The following GDAP1 variants were observed in gnomAD, a reference collection of about 807,000 sequenced individuals.
GDAP1 encodes the protein ganglioside-induced differentiation-associated protein 1.
In GDAP1, 34 loss-of-function variants were observed where a neutral mutation model predicts 40.1. That is an observed-to-expected ratio of 0.85 (90% CI 0.64 to 1.13). GDAP1 has a LOEUF of 1.13. Ranked by LOEUF, GDAP1 falls within the 50% of genes most tolerant of loss-of-function variation. The probability of loss-of-function intolerance (pLI) is 0.00; values close to 1 mark genes in which losing one functional copy is unlikely to be tolerated. For synonymous variants in GDAP1, 170 were observed against 157.4 expected (o/e 1.08, Z -0.60); for missense variants, 374 against 433.7 (o/e 0.86, Z 1.22).
At chr8:74,464,514 T>A in intron 2 of GDAP1, among the ~76,000 whole-genome samples, 1 of 152,328 alleles carries the variant, frequency 6.6e-6, no homozygotes, top group East Asian at 1.9e-4. Context: ...AAAAGCCCAA[T>A]GAAGCAAGTT....
At chr8:74,418,853 T>C (rs1376926158) in intron 2 of GDAP1, among the ~76,000 whole-genome samples, 1 of 120,430 alleles carries the variant, frequency 8.3e-6, no homozygotes, top group Non-Finnish European at 1.7e-5. Context: ...AACTATTCAA[T>C]TAAAAAAATA....
chr8:74,458,942 C>T (rs1310451957), intron 2 of GDAP1, among the ~76,000 whole-genome samples: 1 of 152,110 alleles, frequency 6.6e-6, no homozygotes, highest in Non-Finnish European at 1.5e-5. Context: ...AGACACCCTG[C>T]TGATATTTCA....
chr8:74,367,611 C>G (rs1188011347), downstream of GDAP1, among the ~76,000 whole-genome samples: 3 of 152,088 alleles, frequency 2.0e-5, no homozygotes, highest in African/African-American at 7.2e-5. Flanking sequence ...ATTGTTTATG[C>G]CAACTATTGG....
intron 2 of GDAP1, among the ~76,000 whole-genome samples, chr8:74,379,812 G>T (rs769744926): frequency 3.9e-5 from 6 of 152,168 alleles, no homozygotes; most frequent in African/African-American, 1.2e-4. Flanking sequence ...AGAATGACAC[G>T]TATCAGAGGA....
rs537636751 is a variant in GDAP1, at chr8:74,403,490, A to G, written c.165+52169A>G. On this transcript the variant is annotated intron_variant, in intron 2 of 2. Transcript: ENST00000523640. Reference sequence around the variant, plus strand: ...TACATAGGAGATGACTAGAATTGCAAATGAACCCAGATGGTGGAATTTTCT... The same window carrying G: ...TACATAGGAGATGACTAGAATTGCAGATGAACCCAGATGGTGGAATTTTCT... Among the ~76,000 whole-genome samples, 6 of 150,412 alleles carry G rather than the reference A, an allele frequency of 4.0e-5. 1 individual carries two copies. The highest frequency in any genetic ancestry group is 1.3e-4 in the African/African-American group (5 of 39,694).
chr8:74,387,828 G>A (rs1195571467), intron 2 of GDAP1, among the ~76,000 whole-genome samples: 1 of 152,010 alleles, frequency 6.6e-6, no homozygotes, highest in East Asian at 1.9e-4. Flanking sequence ...TTTTTGTTTG[G>A]TAGGCTATTA....
intron 2 of GDAP1, among the ~76,000 whole-genome samples, chr8:74,482,856 C>A (rs1416482351): frequency 2.6e-5 from 4 of 152,180 alleles, no homozygotes; most frequent in Admixed American, 2.6e-4. Context: ...CTCTGTGACA[C>A]TAAGTACCTG....
chr8:74,380,197 C>A (rs1206009352), intron 2 of GDAP1, among the ~76,000 whole-genome samples: 4 of 152,076 alleles, frequency 2.6e-5, no homozygotes, highest in Non-Finnish European at 5.9e-5. Flanking sequence ...AAGTTTTAGT[C>A]ATCAGAAACA....
intron 2 of GDAP1, among the ~76,000 whole-genome samples, chr8:74,395,723 G>C (rs1407806374): frequency 1.3e-5 from 2 of 152,094 alleles, no homozygotes; most frequent in African/African-American, 4.8e-5. Context: ...TCTAAATAAA[G>C]CCAACTATTA....
At chr8:74,485,892 A>T (rs985235072) in intron 2 of GDAP1, among the ~76,000 whole-genome samples, 11 of 152,144 alleles carry the variant, frequency 7.2e-5, no homozygotes, top group Admixed American at 5.2e-4. Flanking sequence ...GAATGAGGAA[A>T]CATGGCAACA....
intron 2 of GDAP1, among the ~76,000 whole-genome samples, chr8:74,462,375 G>T (rs1586841984): frequency 6.6e-6 from 1 of 152,166 alleles, no homozygotes; most frequent in African/African-American, 2.4e-5. Flanking sequence ...GGGCCTGTGA[G>T]CATTTCCTTC....
intron 3 of GDAP1, 106 bp from the exon 4 acceptor site, chr8:74,361,778 G>A: frequency 1.3e-6 from 1 of 744,414 alleles, no homozygotes; most frequent in African/African-American, 1.7e-5. Flanking sequence ...AGCAGGGCAT[G>A]AGCCCCAGAG....
intron 2 of GDAP1, among the ~76,000 whole-genome samples, chr8:74,463,767 C>A (rs1290038713): frequency 6.6e-6 from 1 of 152,096 alleles, no homozygotes; most frequent in Non-Finnish European, 1.5e-5. Context: ...ATGGTTACTA[C>A]CACAATTACA....
chr8:74,352,104 G>A (rs186243952), intron 2 of GDAP1, among the ~76,000 whole-genome samples: 111 of 152,308 alleles, frequency 7.3e-4, no homozygotes, highest in African/African-American at 2.6e-3. Flanking sequence ...TTATGTAAAT[G>A]AGGAGAAAGC....
intron 2 of GDAP1, among the ~76,000 whole-genome samples, chr8:74,471,775 A>G (rs1806560202): frequency 6.6e-6 from 1 of 151,646 alleles, no homozygotes; most frequent in South Asian, 2.1e-4. Context: ...TGCAGTCTGT[A>G]CTCTTTTTCA....
chr8:74,373,055 G>T (rs1368623268), intron 2 of GDAP1, among the ~76,000 whole-genome samples: 1 of 152,218 alleles, frequency 6.6e-6, no homozygotes, highest in Admixed American at 6.5e-5. Flanking sequence ...GTTTGTCAAA[G>T]ATCAGATGGT....
rs150135717 is a variant in GDAP1 at position 74,410,170 on chromosome 8, C to T, written c.165+58849C>T. 8.7e-5 allele frequency among the ~76,000 whole-genome samples: 13 copies of T among 150,240 alleles called. No homozygotes were observed. The East Asian group carries it at 1.5e-3, about 18-fold the overall frequency. ...GTCTCTTGAATCAGTTAAATGAAGT[C>T]ACCATGGGACATTCTGATGCCAATT... is the stretch of plus-strand genomic sequence containing the variant. On this transcript the variant is annotated intron_variant, in intron 2 of 2. Transcript: ENST00000523640.
At chr8:74,394,703 G>C (rs1810167106) in intron 2 of GDAP1, among the ~76,000 whole-genome samples, 3 of 152,136 alleles carry the variant, frequency 2.0e-5, no homozygotes, top group African/African-American at 7.2e-5. Flanking sequence ...GCGTGATGAG[G>C]TGGTGACTCA....
chr8:74,436,572 G>A lies in GDAP1; in HGVS notation c.166-52106G>A, dbSNP rs181468752. ...CGAGTAGCTGGGATTACAGGTGTGC[G>A]CCACCACAGCTGGCTAATTTTTGTA... On this transcript the variant is annotated intron_variant, in intron 2 of 2. Coordinates refer to the GDAP1 transcript ENST00000523640. Among the ~76,000 whole-genome samples the A allele has an allele frequency of 2.5e-3, 383 of 151,978 alleles. 3 individuals carry two copies. The highest frequency in any genetic ancestry group is 0.015 in the South Asian group (72 of 4,818).
Sources: allele counts gnomAD v4.1 joint callset (sites outside exome capture counted in the v4.1 genomes callset), GRCh38; gene constraint gnomAD v4.1.1; transcripts MANE v1.5; gene names NCBI Gene and HGNC (gene_info 2026-07-23, HGNC 2026-07-21).